The following DNAH10 variants were observed in gnomAD, a reference collection of about 807,000 sequenced individuals.
The protein encoded by DNAH10 is axonemal beta dynein heavy chain 10.
Under a neutral mutation model 506.6 loss-of-function variants are expected in DNAH10, and 348 were observed. The observed-to-expected ratio is 0.69, with a 90% confidence interval of 0.63 to 0.75. The LOEUF is 0.75. Among genes scored for constraint, DNAH10 ranks in the 30% least tolerant of loss-of-function variants. DNAH10 has a pLI of 0.00. For missense variants in DNAH10, 5,179 were observed against 5,787.1 expected, an observed-to-expected ratio of 0.89 and a Z score of 3.41; for synonymous variants, 2,059 against 2,198.6, an observed-to-expected ratio of 0.94 and a Z score of 1.78.
Position 123,818,944 on chromosome 12 carries a change from A to T in DNAH10, c.3781-6A>T. 1 of 1,571,896 alleles carries T rather than the reference A, an allele frequency of 6.4e-7. No homozygotes were observed. The highest frequency in any genetic ancestry group is 8.7e-7 in the Non-Finnish European group (1 of 1,152,106). On this transcript the variant is annotated splice_region_variant and splice_polypyrimidine_tract_variant and intron_variant, in intron 21 of 78. Coordinates refer to ENST00000673944, the MANE Select transcript of DNAH10 (RefSeq NM_001372106.1). The stretch of plus-strand genomic sequence containing the variant: ...GTTTATTCTGTTTTTTGTTTCTCCT[A>T]ATTAGCCTCCTGATGCAGAGAAAGA...
chr12:123,867,694 G>T (rs545844286), intron 42 of DNAH10, 93 bp downstream of exon 42: 2 of 1,547,888 alleles, frequency 1.3e-6, no homozygotes, highest in East Asian at 2.3e-5. Context: ...TGCCAGACAG[G>T]GTGAACAGTA....
chr12:123,895,593 G>T (rs1356949353), intron 54 of DNAH10, among the ~76,000 whole-genome samples: 1 of 152,090 alleles, frequency 6.6e-6, no homozygotes, highest in Non-Finnish European at 1.5e-5. Flanking sequence ...TAAATGAATC[G>T]CTATGGCTGT....
intron 30 of DNAH10, among the ~76,000 whole-genome samples, 171 bp from the exon 31 acceptor site, chr12:123,845,429 A>G (rs1177299962): frequency 6.6e-6 from 1 of 152,184 alleles, no homozygotes; most frequent in Admixed American, 6.5e-5. Flanking sequence ...ACTCTCACCT[A>G]AGTCTTACTC....
intron 5 of DNAH10, among the ~76,000 whole-genome samples, chr12:123,777,207 A>G (rs1957473890): frequency 6.6e-6 from 1 of 152,200 alleles, no homozygotes; most frequent in African/African-American, 2.4e-5. Flanking sequence ...AAACATGGGC[A>G]TCATCAGCAC....
chr12:123,928,450 C>T lies in DNAH10; in HGVS notation c.12169C>T (p.His4057Tyr), dbSNP rs1158446878. Reference protein sequence around the residue: ...RGQWLMLQNCHLLVKWLKDLE... With the variant: ...RGQWLMLQNCYLLVKWLKDLE... ...GCAGTGGCTGATGCTGCAGAACTGC[C>T]ACCTCCTGGTCAAGTGGCTGAAAGA... Residue 4057 changes from histidine to tyrosine, a missense_variant, in exon 70 of 79, where the codon CAC becomes TAC. Around this residue, in one of 3 missense-constraint regions of DNAH10, gnomAD observed 4,844 missense variants for 5,430.5 expected, o/e 0.89. Transcript: ENST00000673944. This position sits in a 1 kb window ranked among gnomAD's most constrained non-coding sequence, Gnocchi z 4.9. 3 of 1,609,490 alleles carry T rather than the reference C, an allele frequency of 1.9e-6. No homozygotes were observed. The Admixed American group carries it at 5.0e-5, about 27-fold the overall frequency.
chr12:123,825,657 G>A (rs1283339190), intron 24 of DNAH10, among the ~76,000 whole-genome samples: 1 of 152,182 alleles, frequency 6.6e-6, no homozygotes, highest in Non-Finnish European at 1.5e-5. Context: ...GGAGGAGAGA[G>A]ATGGGAGGGG....
At chr12:123,924,127 G>T in intron 66 of DNAH10, 151 bp from the exon 67 acceptor site, 1 of 1,069,106 alleles carries the variant, frequency 9.4e-7, no homozygotes, top group Non-Finnish European at 1.3e-6. Flanking sequence ...TGGTGTCACT[G>T]GCGGTGACGA....
chr12:123,850,832 G>A lies in DNAH10; in HGVS notation c.6103-56G>A. 6.4e-7 allele frequency: 1 copy of A among 1,552,340 alleles called. No individual in the cohort carries two copies. The highest frequency in any genetic ancestry group is 8.7e-7 in the Non-Finnish European group (1 of 1,147,370). On this transcript the variant is annotated intron_variant, in intron 34 of 78. Transcript: ENST00000673944. The surrounding 1 kb of genome is among the most constrained non-coding windows in gnomAD (Gnocchi z 5.5). Reference sequence around the variant, plus strand: ...CTCGCCGCAGGCCCCCTTTCCAAGGGGCTGGCCGGCCGGGCCACCTAACTG... The same window carrying A: ...CTCGCCGCAGGCCCCCTTTCCAAGGAGCTGGCCGGCCGGGCCACCTAACTG...
At chr12:123,887,616 C>T (rs976015414) in intron 52 of DNAH10, among the ~76,000 whole-genome samples, 1 of 152,188 alleles carries the variant, frequency 6.6e-6, no homozygotes, top group African/African-American at 2.4e-5. Context: ...ATCATACATT[C>T]CCGTCTCCAC....
intron 60 of DNAH10, 134 bp from the exon 61 acceptor site, chr12:123,914,195 G>A (rs1044257179): frequency 1.2e-6 from 1 of 804,722 alleles, no homozygotes; most frequent in East Asian, 2.7e-5. Context: ...TCCTCACAAG[G>A]AAAGAATATC....
At chr12:123,840,787 A>G (rs1950746289) in intron 29 of DNAH10, among the ~76,000 whole-genome samples, 1 of 152,166 alleles carries the variant, frequency 6.6e-6, no homozygotes, top group Non-Finnish European at 1.5e-5. Context: ...AACAATGATA[A>G]TAGTCAACAA....
chr12:123,813,676 C>T (rs777927894), intron 20 of DNAH10, 36 bp downstream of exon 20: 9 of 1,612,716 alleles, frequency 5.6e-6, no homozygotes, highest in Middle Eastern at 1.6e-4. Flanking sequence ...AACTACTTTT[C>T]GTGTAAGTTG....
At position 123,781,287 on chromosome 12, in the gene DNAH10, C is replaced by G. The variant is rs1327142130; in HGVS notation, c.829C>G (p.Gln277Glu). The change falls in exon 6 of 79, where the codon CAG becomes GAG. Residue 277 changes from glutamine to glutamate, a missense_variant. This residue lies in a region of DNAH10 where 4,844 missense variants were observed against 5,430.5 expected (regional missense o/e 0.89). Coordinates refer to ENST00000673944, the MANE Select transcript of DNAH10 (RefSeq NM_001372106.1). ...KFASNIQRTM[Q>E]QLEGEIKLEM... ...TGCAAGTAATATTCAAAGAACCATG[C>G]AGCAACTTGAAGGTAAGGTTTCATT... 1.9e-6 allele frequency: 3 copies of G among 1,610,990 alleles called. No individual in the cohort carries two copies. In the African/African-American group the frequency reaches 4.0e-5, roughly 22 times the overall value.
At chr12:123,772,168 T>C (rs1957276834) in intron 3 of DNAH10, among the ~76,000 whole-genome samples, 1 of 152,192 alleles carries the variant, frequency 6.6e-6, no homozygotes, top group Admixed American at 6.5e-5. Context: ...TGACCTTAGT[T>C]ACTCAGCTCC....
At chr12:123,845,460 C>A in intron 30 of DNAH10, 140 bp from the exon 31 acceptor site, 1 of 1,159,784 alleles carries the variant, frequency 8.6e-7, no homozygotes, top group Non-Finnish European at 1.2e-6. Context: ...CTTAGGTAAA[C>A]AAATACAGGC....
At chr12:123,824,565 A>G (rs1052737429) in intron 24 of DNAH10, among the ~76,000 whole-genome samples, 10 of 152,142 alleles carry the variant, frequency 6.6e-5, no homozygotes, top group African/African-American at 2.2e-4. Flanking sequence ...GCTGAAAACA[A>G]CAGAAATGTA....
At chr12:123,923,928 A>G (rs943402942) in intron 66 of DNAH10, 61 bp downstream of exon 66, 5 of 1,275,152 alleles carry the variant, frequency 3.9e-6, no homozygotes, top group Middle Eastern at 1.9e-4. Context: ...CATGTATATA[A>G]GTTTGTCTGT....
chr12:123,906,556 T>C (rs542618337), intron 57 of DNAH10, among the ~76,000 whole-genome samples: 1 of 152,374 alleles, frequency 6.6e-6, no homozygotes, highest in Non-Finnish European at 1.5e-5. Flanking sequence ...TTGTGGCTTT[T>C]GGATATTGTG....
chr12:123,855,437 A>G (rs561835729), intron 36 of DNAH10, among the ~76,000 whole-genome samples: 1 of 152,038 alleles, frequency 6.6e-6, no homozygotes, highest in Non-Finnish European at 1.5e-5. Flanking sequence ...CCTAGGCAAC[A>G]TGGCAAAACC....
Sources: gnomAD v4.1 joint callset for allele counts (sites outside exome capture counted in the v4.1 genomes callset) on GRCh38, gnomAD v4.1.1 for gene constraint, gnomAD v4.1.1 regional missense constraint, Gnocchi (gnomAD v3.1) non-coding constraint, MANE v1.5 for transcripts, NCBI Gene and HGNC (gene_info 2026-07-23, HGNC 2026-07-21) for gene names.